FBXL17: variants seen among roughly 807,000 people sequenced by gnomAD.
FBXL17 encodes the protein F-box/LRR-repeat protein 17.
In FBXL17, 22 loss-of-function variants were observed where a neutral mutation model predicts 66.2. That is an observed-to-expected ratio of 0.33 (90% CI 0.24 to 0.47). FBXL17 has a LOEUF of 0.47. Ranked by LOEUF, FBXL17 falls within the 20% of genes least tolerant of loss-of-function variation. FBXL17 has a pLI of 1.00. For missense variants in FBXL17, 878 were observed against 948.2 expected (o/e 0.93, Z 0.97); for synonymous variants, 474 against 400.5 (o/e 1.18, Z -2.19).
At chr5:108,104,182 T>C (rs1424966421) in intron 6 of FBXL17, among the ~76,000 whole-genome samples, 1 of 152,014 alleles carries the variant, frequency 6.6e-6, no homozygotes, top group Non-Finnish European at 1.5e-5. Context: ...ATTACAGTCA[T>C]GCGCACCCAC....
At chr5:108,373,379 TCTAA>T (rs1282500557) in intron 1 of FBXL17, among the ~76,000 whole-genome samples, 5 of 111,426 alleles carry the variant, frequency 4.5e-5, no homozygotes, top group South Asian at 2.6e-4. Context: ...TAAATATATA[TCTAA>T]ATATATTAAT....
chr5:108,087,397 C>G (rs1331177049), intron 6 of FBXL17, among the ~76,000 whole-genome samples: 1 of 152,088 alleles, frequency 6.6e-6, no homozygotes, highest in African/African-American at 2.4e-5. Flanking sequence ...CTGCAACAGC[C>G]ACTGAGTGAG....
At chr5:108,040,924 T>C (rs1747021755) in intron 6 of FBXL17, among the ~76,000 whole-genome samples, 1 of 152,158 alleles carries the variant, frequency 6.6e-6, no homozygotes, top group African/African-American at 2.4e-5. Flanking sequence ...TAATGTATCA[T>C]AAATGGGAAG....
chr5:108,074,298 A>G, intron 6 of FBXL17, among the ~76,000 whole-genome samples: 1 of 134,726 alleles, frequency 7.4e-6, no homozygotes, highest in South Asian at 2.9e-4. Context: ...ATCTGATAAG[A>G]GATTTGAAAA....
intron 6 of FBXL17, among the ~76,000 whole-genome samples, chr5:108,117,224 A>G (rs539341315): frequency 2.0e-5 from 3 of 152,238 alleles, no homozygotes; most frequent in Non-Finnish European, 4.4e-5. Context: ...GCTCAGGAAG[A>G]CTTGCATTAG....
chr5:108,256,840 AGTGT>A (rs5870310), intron 4 of FBXL17, among the ~76,000 whole-genome samples: 3,733 of 152,074 alleles, frequency 0.025, 144 homozygotes, highest in African/African-American at 0.085. Context: ...GAGGTAAATA[AGTGT>A]ATTTTTTTTT....
At chr5:108,238,177 C>T (rs746143880) in intron 4 of FBXL17, among the ~76,000 whole-genome samples, 13 of 152,192 alleles carry the variant, frequency 8.5e-5, no homozygotes, top group Non-Finnish European at 1.8e-4. Context: ...TGACAGAATA[C>T]TTCGTATGGA....
chr5:108,130,097 C>G (rs1750872604), intron 6 of FBXL17, among the ~76,000 whole-genome samples: 1 of 151,596 alleles, frequency 6.6e-6, no homozygotes, highest in Non-Finnish European at 1.5e-5. Context: ...TCCTTTAAGA[C>G]TTTGTCATAC....
At chr5:108,158,025 A>C (rs1233417440) in intron 6 of FBXL17, among the ~76,000 whole-genome samples, 1 of 152,156 alleles carries the variant, frequency 6.6e-6, no homozygotes, top group East Asian at 1.9e-4. Flanking sequence ...TGCCTCTTGA[A>C]TATCTAGAAC....
intron 8 of FBXL17, chr5:107,880,660 T>C: frequency 8.3e-7 from 1 of 1,205,624 alleles, no homozygotes; most frequent in Non-Finnish European, 1.0e-6. Flanking sequence ...CCACCTTTAC[T>C]GTTGCTGGAA....
chr5:108,232,805 A>ATATATATATATATATATATATATATAT (rs70996987), intron 4 of FBXL17, among the ~76,000 whole-genome samples: 6 of 105,164 alleles, frequency 5.7e-5, no homozygotes, highest in Non-Finnish European at 6.1e-5. Flanking sequence ...ATATATATAT[A>ATATATATATATATATATATATATATAT]ATATATACTA....
chr5:108,263,206 T>A (rs7724860), intron 4 of FBXL17, among the ~76,000 whole-genome samples: 1 of 152,086 alleles, frequency 6.6e-6, no homozygotes, highest in Non-Finnish European at 1.5e-5. Context: ...GGTCTGCATC[T>A]CCTTTAAAAT....
At position 108,172,663 on chromosome 5, in the gene FBXL17, C is replaced by T. The variant is rs112739148; in HGVS notation, c.1745+13454G>A. Among the ~76,000 whole-genome samples, 933 of 152,306 alleles carry T rather than the reference C, an allele frequency of 6.1e-3. 6 individuals carry two copies. Among genetic ancestry groups the T allele is most frequent in the African/African-American group, 0.022 (903 of 41,550 alleles). ...ACAGAAGACCAAGATCCAGACTCAA[C>T]GTCTGATACCATCATTTAAGTTGCT... On this transcript the variant is annotated intron_variant, in intron 6 of 8. Transcript: ENST00000542267.
intron 7 of FBXL17, among the ~76,000 whole-genome samples, chr5:107,948,169 G>T (rs928269395): frequency 1.3e-4 from 20 of 152,026 alleles, no homozygotes; most frequent in African/African-American, 4.3e-4. Context: ...AGAATAAGAG[G>T]TAATAGAGAA....
At chr5:108,011,390 G>A (rs1300588280) in intron 7 of FBXL17, among the ~76,000 whole-genome samples, 3 of 152,026 alleles carry the variant, frequency 2.0e-5, no homozygotes, top group East Asian at 1.9e-4. Flanking sequence ...ATTGTATCTC[G>A]GAAAATAAGG....
At chr5:108,075,438 A>G (rs1315600674) in intron 6 of FBXL17, among the ~76,000 whole-genome samples, 6 of 152,170 alleles carry the variant, frequency 3.9e-5, no homozygotes, top group Non-Finnish European at 1.5e-5. Context: ...GATAAACTTT[A>G]CTTTTTCCAG....
chr5:108,103,539 G>C (rs1285172691), intron 6 of FBXL17, among the ~76,000 whole-genome samples: 1 of 151,954 alleles, frequency 6.6e-6, no homozygotes, highest in Non-Finnish European at 1.5e-5. Context: ...AAATGAAACA[G>C]TCTTTGTGAG....
intron 6 of FBXL17, among the ~76,000 whole-genome samples, chr5:108,154,648 C>CACACAT (rs1389148464): frequency 1.1e-4 from 13 of 116,198 alleles, no homozygotes; most frequent in Admixed American, 8.3e-5. Flanking sequence ...CACACACACA[C>CACACAT]ATATATGTAT....
At chr5:108,013,804 C>T (rs1174227428) in intron 7 of FBXL17, among the ~76,000 whole-genome samples, 2 of 152,136 alleles carry the variant, frequency 1.3e-5, no homozygotes, top group Non-Finnish European at 2.9e-5. Flanking sequence ...CATCTTTCCA[C>T]ATCCTCCCTC....
Sources: allele counts gnomAD v4.1 joint callset (sites outside exome capture counted in the v4.1 genomes callset), GRCh38; gene constraint gnomAD v4.1.1; transcripts MANE v1.5; gene names NCBI Gene and HGNC (gene_info 2026-07-23, HGNC 2026-07-21).